The following GPATCH8 variants were observed in gnomAD, a reference collection of about 807,000 sequenced individuals.
GPATCH8 encodes G patch domain-containing protein 8.
A neutral mutation model predicts 118.3 loss-of-function variants in GPATCH8; 18 were observed. The ratio of observed to expected loss-of-function variants is 0.15; its 90% CI spans 0.11 to 0.23. The LOEUF (loss-of-function observed/expected upper bound fraction) is 0.23. GPATCH8 is among the 10% of genes least tolerant of loss of function. The pLI is 1.00. For synonymous variants in GPATCH8, 659 were observed against 684.7 expected (o/e 0.96, Z 0.59); for missense variants, 1,631 against 1,873.8 (o/e 0.87, Z 2.39).
chr17:44,397,367 G>C lies in GPATCH8; in HGVS notation c.*201C>G. The stretch of plus-strand genomic sequence containing the variant: ...AAGAGGGAGGGACAAATTGAGAGGA[G>C]GACAGGAAAAAGAAATCCCTGATAG... On this transcript the variant is annotated 3_prime_UTR_variant, in exon 8 of 8. Coordinates refer to ENST00000591680, the MANE Select transcript of GPATCH8 (RefSeq NM_001002909.4). The C allele has an allele frequency of 1.4e-6, 1 of 691,124 alleles. No individual in the cohort carries two copies. Among genetic ancestry groups the C allele is most frequent in the Non-Finnish European group, 2.6e-6 (1 of 379,008 alleles). 42.8% of individuals were successfully genotyped at this position (691,124 alleles called of 1,614,324 possible).
chr17:44,436,029 CAAAAAAAA>C (rs1157048818), intron 4 of GPATCH8, among the ~76,000 whole-genome samples: 2 of 41,828 alleles, frequency 4.8e-5, no homozygotes, highest in African/African-American at 8.8e-5. Context: ...AACTCCATCT[CAAAAAAAA>C]AAAAAAAAAA....
chr17:44,493,296 G>C (rs1287050626), intron 1 of GPATCH8, among the ~76,000 whole-genome samples: 3 of 152,032 alleles, frequency 2.0e-5, no homozygotes, highest in African/African-American at 4.8e-5. Flanking sequence ...CCTGAACTCA[G>C]GTTATCCACC....
intron 2 of GPATCH8, among the ~76,000 whole-genome samples, chr17:44,468,356 A>G (rs1011600750): frequency 1.7e-4 from 25 of 147,722 alleles, no homozygotes; most frequent in African/African-American, 6.3e-4. Flanking sequence ...GGCAATGAAC[A>G]TTAAATTTCT....
intron 1 of GPATCH8, among the ~76,000 whole-genome samples, chr17:44,483,214 T>TAC (rs1349868072): frequency 1.5e-4 from 13 of 87,206 alleles, no homozygotes; most frequent in African/African-American, 5.7e-4. Context: ...TATATATATA[T>TAC]ATACAGCCTA....
In GPATCH8 at chr17:44,486,189, C is replaced by A. The variant is rs1188055655; in HGVS notation, c.46-11286G>T. On this transcript the variant is annotated intron_variant, in intron 1 of 7. Coordinates refer to ENST00000591680, the MANE Select transcript of GPATCH8 (RefSeq NM_001002909.4). Reference sequence around the variant, plus strand: ...CAGTTTTTATTTTATTCAAGTTAACCAAGGTAAAGACTCAGTTCTTTCACA... The same window carrying A: ...CAGTTTTTATTTTATTCAAGTTAACAAAGGTAAAGACTCAGTTCTTTCACA... The A allele has an allele frequency of 1.4e-4, 22 of 152,286 alleles. 1 individual carries two copies. Among genetic ancestry groups the A allele is most frequent in the South Asian group, 1.2e-3 (6 of 4,830 alleles). The allele number at this position is 152,286 out of a possible 1,614,324, so 9.4% of individuals were successfully genotyped here. A position where few individuals can be genotyped will look rare whatever the true frequency, so the allele number is the denominator to read the frequency against.
intron 6 of GPATCH8, among the ~76,000 whole-genome samples, chr17:44,411,030 G>T (rs954284760): frequency 6.6e-6 from 1 of 152,198 alleles, no homozygotes; most frequent in African/African-American, 2.4e-5. Context: ...TTAAGCCAAA[G>T]AAATGAGAAT....
At chr17:44,475,457 G>C (rs896008980) in intron 1 of GPATCH8, among the ~76,000 whole-genome samples, 2 of 150,994 alleles carry the variant, frequency 1.3e-5, no homozygotes, top group Admixed American at 6.6e-5. Flanking sequence ...CTAGCACTTT[G>C]GGAGGCCGAG....
intron 1 of GPATCH8, among the ~76,000 whole-genome samples, chr17:44,501,990 T>G (rs548524351): frequency 6.6e-6 from 1 of 152,218 alleles, no homozygotes; most frequent in Non-Finnish European, 1.5e-5. Context: ...GCTTCAAACT[T>G]TGGTGAATCT....
At chr17:44,481,684 T>G (rs1376275093) in intron 1 of GPATCH8, among the ~76,000 whole-genome samples, 1 of 152,226 alleles carries the variant, frequency 6.6e-6, no homozygotes. Flanking sequence ...TAATTGTACT[T>G]AAATTTTTTG....
At position 44,406,512 on chromosome 17, in the gene GPATCH8, T is replaced by A. The variant is rs2049237685; in HGVS notation, c.493-461A>T. ...CAGCTTACATGGGGGGGGGGGGTTATTTAAATTAGAACAAATAGAAAGCAT... is the reference window on the plus strand; with the variant it reads ...CAGCTTACATGGGGGGGGGGGGTTAATTAAATTAGAACAAATAGAAAGCAT... On this transcript the variant is annotated intron_variant, in intron 6 of 7. Coordinates refer to ENST00000591680, the MANE Select transcript of GPATCH8 (RefSeq NM_001002909.4). 2.9e-5 allele frequency among the ~76,000 whole-genome samples: 3 copies of A among 102,298 alleles called. 1 individual carries two copies. Among genetic ancestry groups the A allele is most frequent in the Non-Finnish European group, 4.0e-5 (2 of 49,822 alleles). The allele number at this position is 102,298 out of a possible 152,430, so 67.1% of individuals were successfully genotyped here. A position where few individuals can be genotyped will look rare whatever the true frequency, so the allele number is the denominator to read the frequency against.
Position 44,400,666 on chromosome 17 carries a change from T to C in GPATCH8, c.1411A>G (p.Thr471Ala). The C allele has an allele frequency of 6.2e-7, 1 of 1,612,380 alleles. No individual in the cohort carries two copies. Among genetic ancestry groups the C allele is most frequent in the Non-Finnish European group, 8.5e-7 (1 of 1,178,874 alleles). ...VSEQPKETSM[T>A]EPSEPGSKAE... ...TTGCTTCCTGGTTCTGAGGGCTCGG[T>C]CATGCTGGTTTCCTTCGGCTGCTCA... Residue 471 changes from threonine (T) to alanine (A), a missense_variant, in exon 8 of 8, where the codon ACC (threonine) becomes GCC (alanine). By Grantham distance (58) the Thr-to-Ala change is moderately conservative (BLOSUM62 0). This residue lies in a region of GPATCH8 where 405 missense variants were observed against 462.7 expected (regional missense o/e 0.88). Transcript: ENST00000591680.
At chr17:44,485,355 C>A (rs1335164500) in intron 1 of GPATCH8, among the ~76,000 whole-genome samples, 1 of 152,146 alleles carries the variant, frequency 6.6e-6, no homozygotes, top group Non-Finnish European at 1.5e-5. Context: ...CTCAGGTGAT[C>A]CCCCTGCTTC....
intron 5 of GPATCH8, among the ~76,000 whole-genome samples, 200 bp downstream of exon 5, chr17:44,434,865 T>C (rs1007217416): frequency 1.3e-5 from 2 of 152,232 alleles, no homozygotes; most frequent in African/African-American, 4.8e-5. Context: ...TAACACACTT[T>C]AGAAGTAGGT....
intron 1 of GPATCH8, among the ~76,000 whole-genome samples, chr17:44,490,353 A>C (rs1969149588): frequency 6.6e-6 from 1 of 152,152 alleles, no homozygotes; most frequent in South Asian, 2.1e-4. Context: ...AACAGTAATT[A>C]TTCCAAGACA....
intron 1 of GPATCH8, among the ~76,000 whole-genome samples, chr17:44,493,004 A>G (rs1458159280): frequency 2.0e-5 from 3 of 151,986 alleles, no homozygotes; most frequent in Non-Finnish European, 4.4e-5. Flanking sequence ...TAAATGACCA[A>G]TTAAACCACT....
chr17:44,440,691 A>G (rs780849554), intron 3 of GPATCH8, among the ~76,000 whole-genome samples: 1 of 152,250 alleles, frequency 6.6e-6, no homozygotes, highest in Non-Finnish European at 1.5e-5. Flanking sequence ...GAAAGAATAC[A>G]GTCAAACACA....
In GPATCH8 at chr17:44,401,124, A is replaced by G; in HGVS notation, c.953T>C (p.Val318Ala). The G allele has an allele frequency of 3.1e-6, 5 of 1,614,048 alleles. No individual in the cohort carries two copies. The highest frequency in any genetic ancestry group is 4.2e-6 in the Non-Finnish European group (5 of 1,179,984). ...APVKLESIASVFKDHAEEGTS... is the reference protein window; with the variant it reads ...APVKLESIASAFKDHAEEGTS... ...CCCTTCCTCCGCATGGTCCTTGAAA[A>G]CTGATGCTATTGATTCGAGTTTGAC... The change falls in exon 8 of 8, where the codon GTT becomes GCT. Residue 318 changes from valine to alanine, a missense_variant. Physicochemically the swap from Val to Ala is moderately conservative, Grantham distance 64. This residue lies in a region of GPATCH8 where 405 missense variants were observed against 462.7 expected (regional missense o/e 0.88). Transcript: ENST00000591680.
At chr17:44,402,437 A>G (rs967902275) in intron 7 of GPATCH8, among the ~76,000 whole-genome samples, 1 of 151,176 alleles carries the variant, frequency 6.6e-6, no homozygotes, top group African/African-American at 2.4e-5. Flanking sequence ...TCAGTATGTT[A>G]TCTAATGTAT....
chr17:44,464,095 T>TC (rs2051666951), intron 3 of GPATCH8, among the ~76,000 whole-genome samples: 1 of 152,140 alleles, frequency 6.6e-6, no homozygotes, highest in Non-Finnish European at 1.5e-5. Context: ...ACTGAATGAT[T>TC]CTCTTTATAA....
Sources: allele counts gnomAD v4.1 joint callset (sites outside exome capture counted in the v4.1 genomes callset), GRCh38; gene constraint gnomAD v4.1.1; regional missense constraint gnomAD v4.1.1; transcripts MANE v1.5; gene names NCBI Gene and HGNC (gene_info 2026-07-23, HGNC 2026-07-21).